Variants in KMT2C observed in about 807,000 individuals in gnomAD.
KMT2C encodes lysine methyltransferase 2C.
A neutral mutation model predicts 507.9 loss-of-function variants in KMT2C; 88 were observed. The ratio of observed to expected loss-of-function variants is 0.17; its 90% CI spans 0.15 to 0.21. The LOEUF (loss-of-function observed/expected upper bound fraction) is 0.21, where lower values mean the gene tolerates loss of function less well. KMT2C is among the 10% of genes least tolerant of loss of function. The pLI is 1.00. For synonymous variants in KMT2C, 2,049 were observed against 2,080.8 expected (o/e 0.98, Z 0.42); for missense variants, 4,954 against 5,957.8 (o/e 0.83, Z 5.55).
At position 152,207,505 on chromosome 7, in the gene KMT2C, A is replaced by G. The variant is rs2094340464; in HGVS notation, c.3713-77T>C. On this transcript the variant is annotated intron_variant, in intron 23 of 58. Transcript: ENST00000262189. Reference sequence around the variant, plus strand: ...AATCCCTACATAATGGGGAATAAAAAGTAGGGTTGTTGCTGAGCCATTTTA... The same window carrying G: ...AATCCCTACATAATGGGGAATAAAAGGTAGGGTTGTTGCTGAGCCATTTTA... The G allele has an allele frequency of 2.2e-6, 3 of 1,361,870 alleles. No homozygotes were observed. In the Admixed American group the frequency reaches 6.6e-5, roughly 30 times the overall value. The allele number at this position is 1,361,870 out of a possible 1,614,324, so 84.4% of individuals were successfully genotyped here.
Position 152,311,917 on chromosome 7 carries a change from G to C in KMT2C, c.620C>G (p.Ser207Cys), listed in dbSNP as rs138740890. 5.4e-5 allele frequency: 87 copies of C among 1,607,462 alleles called. No individual in the cohort carries two copies. The African/African-American group carries it at 1.1e-3, about 20-fold the overall frequency. Reference protein sequence around the residue: ...KERSPQQNIVSCVSVSTQTAS... With the variant: ...KERSPQQNIVCCVSVSTQTAS... ...TGTCTGGGTGCTTACACTTACACAA[G>C]ATACTATATTCTGCTGAGGAGATCG... is the stretch of plus-strand genomic sequence containing the variant. The change falls in exon 5 of 59, where the codon TCT becomes TGT. Residue 207 changes from serine to cysteine, a missense_variant. Physicochemically the swap from Ser to Cys is moderately radical, Grantham distance 112. This residue lies in a region of KMT2C where 233 missense variants were observed against 263.6 expected (regional missense o/e 0.88). Transcript: ENST00000262189.
intron 26 of KMT2C, 53 bp downstream of exon 26, chr7:152,202,881 T>C: frequency 7.3e-7 from 1 of 1,378,924 alleles, no homozygotes; most frequent in Non-Finnish European, 1.0e-6. Context: ...ACTCAATACA[T>C]TTTATTTCCT....
intron 5 of KMT2C, among the ~76,000 whole-genome samples, chr7:152,310,302 G>A (rs115439691): frequency 0.012 from 1,831 of 152,266 alleles, 43 homozygotes; most frequent in African/African-American, 0.042. Context: ...CTGTCTGGGT[G>A]CAGTGGCTCA....
chr7:152,251,796 A>G (rs1404063966), intron 11 of KMT2C, 143 bp downstream of exon 11: 1 of 483,166 alleles, frequency 2.1e-6, no homozygotes, highest in African/African-American at 2.0e-5. Context: ...GATAACAAAT[A>G]CATTTAAAGG....
At chr7:152,155,824 C>T in intron 46 of KMT2C, 86 bp downstream of exon 46, 5 of 1,304,552 alleles carry the variant, frequency 3.8e-6, no homozygotes, top group Non-Finnish European at 5.3e-6. Flanking sequence ...CATGCTATTC[C>T]TAAAGACATT....
intron 1 of KMT2C, among the ~76,000 whole-genome samples, chr7:152,400,012 GA>G (rs1318072748): frequency 1.3e-5 from 2 of 152,002 alleles, no homozygotes; most frequent in Non-Finnish European, 2.9e-5. Context: ...AGAAAACAAA[GA>G]AAAGATCACT....
intron 1 of KMT2C, among the ~76,000 whole-genome samples, chr7:152,430,829 C>T (rs1424124381): frequency 6.6e-6 from 1 of 152,180 alleles, no homozygotes; most frequent in Non-Finnish European, 1.5e-5. Context: ...CCACCACACC[C>T]ATCCTTAATG....
At chr7:152,151,242 C>G (rs1324281702) in intron 50 of KMT2C, among the ~76,000 whole-genome samples, 200 bp downstream of exon 50, 1 of 152,182 alleles carries the variant, frequency 6.6e-6, no homozygotes, top group Non-Finnish European at 1.5e-5. Flanking sequence ...ACGTAGTCCT[C>G]ATAATATTCC....
rs973105031 is a variant in KMT2C at position 152,187,428 on chromosome 7, A to T, written c.4842T>A (p.Ser1614=). 3.1e-6 allele frequency: 5 copies of T among 1,614,148 alleles called. No individual in the cohort carries two copies. In the South Asian group the frequency reaches 4.4e-5, roughly 14 times the overall value. The part of the protein sequence containing the change: ...FNPMASDPNN[S]WTSSAPTVEG... Reference sequence around the variant, plus strand: ...CCACAGTGGGAGCTGATGATGTCCAAGAGTTGTTAGGATCACTTGCCATTG... The same window carrying T: ...CCACAGTGGGAGCTGATGATGTCCATGAGTTGTTAGGATCACTTGCCATTG... The change falls in exon 33 of 59, where the codon TCT becomes TCA. Residue 1614 remains serine (S), a synonymous_variant. Coordinates refer to ENST00000262189, the MANE Select transcript of KMT2C (RefSeq NM_170606.3).
chr7:152,208,013 C>A (rs541155697), intron 23 of KMT2C, among the ~76,000 whole-genome samples: 4 of 152,262 alleles, frequency 2.6e-5, no homozygotes, highest in Admixed American at 1.3e-4. Flanking sequence ...CATCTTAGTC[C>A]AACCTCAGAT....
At chr7:152,420,584 C>T (rs2097771256) in intron 1 of KMT2C, among the ~76,000 whole-genome samples, 1 of 152,130 alleles carries the variant, frequency 6.6e-6, no homozygotes. Flanking sequence ...CACCTGTAAT[C>T]CCAGAACTTT....
intron 16 of KMT2C, among the ~76,000 whole-genome samples, chr7:152,232,542 T>C (rs1467261986): frequency 6.6e-6 from 1 of 152,114 alleles, no homozygotes; most frequent in Admixed American, 6.5e-5. Flanking sequence ...AGAAATAATA[T>C]TGGCAATTTC....
intron 34 of KMT2C, among the ~76,000 whole-genome samples, chr7:152,183,828 G>A (rs986175192): frequency 2.0e-4 from 31 of 151,356 alleles, no homozygotes; most frequent in African/African-American, 5.3e-4. Flanking sequence ...CTCAGGAGGC[G>A]GAGGTTGTGG....
At chr7:152,275,834 T>C (rs2096070617) in intron 6 of KMT2C, among the ~76,000 whole-genome samples, 1 of 152,208 alleles carries the variant, frequency 6.6e-6, no homozygotes, top group East Asian at 1.9e-4. Flanking sequence ...TTCTGCTAAA[T>C]TGTTAAAATC....
At chr7:152,213,826 A>G (rs532230856) in intron 23 of KMT2C, among the ~76,000 whole-genome samples, 402 of 152,146 alleles carry the variant, frequency 2.6e-3, no homozygotes, top group Non-Finnish European at 4.0e-3. Flanking sequence ...CACACATCTG[A>G]TAAGGGGTTA....
chr7:152,140,389 A>G (rs1430328046), intron 55 of KMT2C, among the ~76,000 whole-genome samples: 7 of 152,248 alleles, frequency 4.6e-5, no homozygotes, highest in Non-Finnish European at 1.0e-4. Context: ...CTGGGAAAGA[A>G]GTTTGAACGG....
At chr7:152,411,399 A>C (rs2097681891) in intron 1 of KMT2C, among the ~76,000 whole-genome samples, 1 of 151,674 alleles carries the variant, frequency 6.6e-6, no homozygotes, top group African/African-American at 2.4e-5. Context: ...CACAAGAAAA[A>C]AAAGAGCATT....
At chr7:152,199,498 T>G (rs530989830) in intron 26 of KMT2C, 39 bp from the exon 27 acceptor site, 1 of 1,281,858 alleles carries the variant, frequency 7.8e-7, no homozygotes, top group Non-Finnish European at 1.1e-6. Context: ...GGTTAGAAAA[T>G]TCTAAAAAGA....
At chr7:152,288,266 G>A (rs1033872457) in intron 6 of KMT2C, among the ~76,000 whole-genome samples, 6 of 148,780 alleles carry the variant, frequency 4.0e-5, no homozygotes, top group East Asian at 2.0e-4. Context: ...AGGTGCGGTC[G>A]CTCAGGCCTG....
Sources: gnomAD v4.1 joint callset for allele counts (sites outside exome capture counted in the v4.1 genomes callset) on GRCh38, gnomAD v4.1.1 for gene constraint, gnomAD v4.1.1 regional missense constraint, MANE v1.5 for transcripts, NCBI Gene and HGNC (gene_info 2026-07-23, HGNC 2026-07-21) for gene names.